SGCZ: variants seen among roughly 807,000 people sequenced by gnomAD.
SGCZ encodes sarcoglycan zeta, also known as zeta-sarcoglycan.
SGCZ carries 40 observed loss-of-function variants against 41.3 expected under a neutral mutation model. That is an observed-to-expected ratio of 0.97 (90% CI 0.75 to 1.26). SGCZ has a LOEUF of 1.26. SGCZ is among the 50% of genes most tolerant of loss of function. The probability of loss-of-function intolerance (pLI) is 0.00; values close to 1 mark genes in which losing one functional copy is unlikely to be tolerated. For missense variants in SGCZ, 552 were observed against 369.8 expected (o/e 1.49, Z -4.04); for synonymous variants, 206 against 137.5 (o/e 1.50, Z -3.49).
chr8:14,822,611 G>A (rs1024227232), intron 1 of SGCZ, among the ~76,000 whole-genome samples: 1 of 152,088 alleles, frequency 6.6e-6, no homozygotes, highest in African/African-American at 2.4e-5. Flanking sequence ...AAACAGCATG[G>A]TGGTGGTATA....
chr8:14,704,614 C>T (rs1230412563), intron 1 of SGCZ, among the ~76,000 whole-genome samples: 1 of 151,968 alleles, frequency 6.6e-6, no homozygotes, highest in Non-Finnish European at 1.5e-5. Flanking sequence ...GTTAATCTCT[C>T]AAAGGCTCAC....
At chr8:14,813,306 A>T (rs376997372) in intron 1 of SGCZ, among the ~76,000 whole-genome samples, 39 of 152,272 alleles carry the variant, frequency 2.6e-4, no homozygotes, top group African/African-American at 8.9e-4. Context: ...TTTTAATATA[A>T]TCTCTATTTT....
chr8:15,061,438 G>A lies in SGCZ; in HGVS notation c.39+176147C>T, dbSNP rs559103524. Among the ~76,000 whole-genome samples, 7 of 151,496 alleles carry A rather than the reference G, an allele frequency of 4.6e-5. No individual in the cohort carries two copies. In the East Asian group the frequency reaches 1.4e-3, roughly 30 times the overall value. ...AGGAGAAATACCTAATGTACATGAG[G>A]GATTGATGGGTCCAGCAAACCACCA... On this transcript the variant is annotated intron_variant, in intron 1 of 7. Coordinates refer to ENST00000382080, the MANE Select transcript of SGCZ (RefSeq NM_139167.4).
At chr8:14,460,783 T>G (rs948138470) in intron 2 of SGCZ, among the ~76,000 whole-genome samples, 3 of 152,190 alleles carry the variant, frequency 2.0e-5, no homozygotes, top group Admixed American at 6.6e-5. Context: ...AATTGTCAGA[T>G]GCTAAAGTTG....
intron 1 of SGCZ, among the ~76,000 whole-genome samples, chr8:15,172,448 A>AC (rs1799872600): frequency 6.6e-6 from 1 of 152,182 alleles, no homozygotes; most frequent in African/African-American, 2.4e-5. Flanking sequence ...TTTATAAAAT[A>AC]GAAATCAAAT....
At chr8:14,232,597 ATTT>A (rs1425166534) in intron 4 of SGCZ, among the ~76,000 whole-genome samples, 1 of 151,786 alleles carries the variant, frequency 6.6e-6, no homozygotes, top group African/African-American at 2.4e-5. Flanking sequence ...TTTGTTTTTT[ATTT>A]TTTATTTTAT....
chr8:14,182,484 A>G (rs998205795), intron 4 of SGCZ, among the ~76,000 whole-genome samples: 3 of 152,160 alleles, frequency 2.0e-5, no homozygotes, highest in African/African-American at 7.2e-5. Context: ...AGTGCCCTGT[A>G]TGGAAGCCTT....
intron 2 of SGCZ, among the ~76,000 whole-genome samples, chr8:14,440,010 T>A (rs1800202107): frequency 6.6e-6 from 1 of 151,864 alleles, no homozygotes; most frequent in African/African-American, 2.4e-5. Context: ...AAAAAAAAAA[T>A]TAGCCTCATA....
rs537429392 is a variant in SGCZ, at chr8:14,454,611, G to A, written c.234+100121C>T. ...CTCAAAAACACTGTAAAAGAAATAT[G>A]TGAAGGAAAATTTGCCCTAAAAGGT... On this transcript the variant is annotated intron_variant, in intron 2 of 7. Coordinates refer to ENST00000382080, the MANE Select transcript of SGCZ (RefSeq NM_139167.4). 3.7e-3 allele frequency among the ~76,000 whole-genome samples: 565 copies of A among 152,240 alleles called. 5 individuals carry two copies. The highest frequency in any genetic ancestry group is 6.0e-3 in the Non-Finnish European group (405 of 68,020).
intron 1 of SGCZ, among the ~76,000 whole-genome samples, chr8:14,739,414 G>T (rs1191471095): frequency 1.3e-5 from 2 of 151,938 alleles, no homozygotes; most frequent in Non-Finnish European, 2.9e-5. Context: ...AACTTCATAT[G>T]ATTTAAAAGC....
At chr8:14,414,998 A>G (rs1799456981) in intron 2 of SGCZ, among the ~76,000 whole-genome samples, 1 of 151,900 alleles carries the variant, frequency 6.6e-6, no homozygotes, top group Non-Finnish European at 1.5e-5. Flanking sequence ...AATATTTTGG[A>G]AAATTGTGCT....
chr8:14,256,714 G>A (rs945248096), intron 3 of SGCZ, among the ~76,000 whole-genome samples: 9 of 152,108 alleles, frequency 5.9e-5, no homozygotes, highest in Admixed American at 3.3e-4. Context: ...ATAGTACCTA[G>A]TGTACCTTAT....
In SGCZ at chr8:15,174,104, A is replaced by G. The variant is rs1345244109; in HGVS notation, c.39+63481T>C. Among the ~76,000 whole-genome samples the G allele has an allele frequency of 2.0e-5, 3 of 152,210 alleles. No homozygotes were observed. The East Asian group carries it at 5.8e-4, about 29-fold the overall frequency. On this transcript the variant is annotated intron_variant, in intron 1 of 7. Coordinates refer to ENST00000382080, the MANE Select transcript of SGCZ (RefSeq NM_139167.4). The stretch of plus-strand genomic sequence containing the variant: ...TGCTGCATATTATACCAACAGATCT[A>G]TTTTAATGGATGTTAATAGTTCAAA...
intron 2 of SGCZ, among the ~76,000 whole-genome samples, chr8:14,338,327 T>C (rs1468814913): frequency 6.6e-6 from 1 of 152,186 alleles, no homozygotes; most frequent in Non-Finnish European, 1.5e-5. Flanking sequence ...AAAACTTAGT[T>C]GGCATCCTTG....
Position 14,089,132 on chromosome 8 carries a change from A to G in SGCZ, c.*1311T>C, listed in dbSNP as rs1801611919. Reference sequence around the variant, plus strand: ...AATATTCAGTATTCTGGAGTTGTTTACTAAGAGGTCATATACAAAAATAAG... The same window carrying G: ...AATATTCAGTATTCTGGAGTTGTTTGCTAAGAGGTCATATACAAAAATAAG... On this transcript the variant is annotated 3_prime_UTR_variant, in exon 8 of 8. Transcript: ENST00000382080. Among the ~76,000 whole-genome samples, 1 of 151,978 alleles carries G rather than the reference A, an allele frequency of 6.6e-6. No individual in the cohort carries two copies. The highest frequency in any genetic ancestry group is 2.1e-4 in the South Asian group (1 of 4,830).
chr8:14,506,176 A>AAAAC lies in SGCZ; in HGVS notation c.234+48552_234+48555dup, dbSNP rs74273419. Among the ~76,000 whole-genome samples the AAAAC allele has an allele frequency of 3.7e-3, 557 of 151,974 alleles. 3 individuals are homozygous for AAAAC. The highest frequency in any genetic ancestry group is 0.014 in the Middle Eastern group (4 of 294). ...CATGATGAAACCCTGTGTCTACTAA[A>AAAAC]AAACAAACAAACAAACAAACAAACA... On this transcript the variant is annotated intron_variant, in intron 2 of 7. Transcript: ENST00000382080.
intron 5 of SGCZ, among the ~76,000 whole-genome samples, chr8:14,142,222 C>T (rs932539127): frequency 6.6e-5 from 10 of 151,972 alleles, no homozygotes; most frequent in South Asian, 2.1e-4. Context: ...ATGTAAATGA[C>T]GAGTTAAGGG....
chr8:14,994,120 C>A (rs1006668296), intron 1 of SGCZ, among the ~76,000 whole-genome samples: 1 of 152,178 alleles, frequency 6.6e-6, no homozygotes, highest in African/African-American at 2.4e-5. Flanking sequence ...TTAGTTCATT[C>A]ATTTCTGTCT....
chr8:14,898,637 G>A (rs536085812), intron 1 of SGCZ, among the ~76,000 whole-genome samples: 35 of 152,204 alleles, frequency 2.3e-4, no homozygotes, highest in Non-Finnish European at 4.1e-4. Flanking sequence ...ATATATAAGC[G>A]AGAATCGAAA....
Sources: allele counts gnomAD v4.1 joint callset (sites outside exome capture counted in the v4.1 genomes callset), GRCh38; gene constraint gnomAD v4.1.1; transcripts MANE v1.5; gene names NCBI Gene and HGNC (gene_info 2026-07-23, HGNC 2026-07-21).